WDR25: variants seen among roughly 807,000 people sequenced by gnomAD.
WDR25 encodes WD repeat domain 25.
WDR25 carries 35 observed loss-of-function variants against 47.7 expected under a neutral mutation model. The observed-to-expected ratio is 0.73, with a 90% CI of 0.56 to 0.97. The LOEUF (loss-of-function observed/expected upper bound fraction) is 0.97, where lower values mean the gene tolerates loss of function less well. Among genes scored for constraint, WDR25 ranks in the 50% least tolerant of loss-of-function variants. The probability of loss-of-function intolerance (pLI) is 0.00; values close to 1 mark genes in which losing one functional copy is unlikely to be tolerated. For synonymous variants in WDR25, 248 were observed against 278.9 expected, an observed-to-expected ratio of 0.89 and a Z score of 1.10; for missense variants, 634 against 704.7, an observed-to-expected ratio of 0.90 and a Z score of 1.14.
rs114159922 is a variant in WDR25 at position 100,406,397 on chromosome 14, C to T, written c.822+24651C>T. ...TTTGCTGTGTGCCAGGATCTTCACA[C>T]GGACAGCCTCAGTTTTCATAGGAGT... On this transcript the variant is annotated intron_variant, in intron 2 of 6. Coordinates refer to ENST00000402312, the MANE Select transcript of WDR25 (RefSeq NM_001161476.3). 5.4e-3 allele frequency among the ~76,000 whole-genome samples: 823 copies of T among 152,314 alleles called. 6 individuals are homozygous for T. Among genetic ancestry groups the T allele is most frequent in the African/African-American group, 0.018 (769 of 41,570 alleles).
intron 2 of WDR25, among the ~76,000 whole-genome samples, chr14:100,383,256 T>C (rs1324859426): frequency 6.6e-6 from 1 of 152,194 alleles, no homozygotes; most frequent in Non-Finnish European, 1.5e-5. Flanking sequence ...CTTAGGTCTT[T>C]GGTGCTTTTC....
intron 4 of WDR25, among the ~76,000 whole-genome samples, chr14:100,497,641 A>G (rs988404319): frequency 8.5e-5 from 13 of 152,142 alleles, no homozygotes; most frequent in African/African-American, 3.1e-4. Flanking sequence ...TTCAGTTGTC[A>G]TCAGTGGAGA....
intron 2 of WDR25, among the ~76,000 whole-genome samples, chr14:100,435,482 A>C (rs1175433329): frequency 6.6e-6 from 1 of 152,204 alleles, no homozygotes; most frequent in Non-Finnish European, 1.5e-5. Context: ...GTGCTCAGAA[A>C]AATTTTTAAA....
In WDR25 at chr14:100,488,392, C is replaced by T. The variant is rs1184841714; in HGVS notation, c.1101+4268C>T. Reference sequence around the variant, plus strand: ...TTGTGAGGGTCAATTTCTGCAGAAGCCCCTGAGCCTCTAGTGCCGTTGGCC... The same window carrying T: ...TTGTGAGGGTCAATTTCTGCAGAAGTCCCTGAGCCTCTAGTGCCGTTGGCC... On this transcript the variant is annotated intron_variant, in intron 4 of 6. Transcript: ENST00000402312. This position sits in a 1 kb window ranked among gnomAD's most constrained non-coding sequence, Gnocchi z 4.2. 6.6e-6 allele frequency among the ~76,000 whole-genome samples: 1 copy of T among 152,128 alleles called. No homozygotes were observed. Among genetic ancestry groups the T allele is most frequent in the South Asian group, 2.1e-4 (1 of 4,826 alleles).
chr14:100,419,356 G>A (rs1897966290), intron 2 of WDR25, among the ~76,000 whole-genome samples: 1 of 152,206 alleles, frequency 6.6e-6, no homozygotes. Context: ...GCTTTCTCGG[G>A]GAGTGTTCAG....
At chr14:100,401,366 G>A (rs1191935352) in intron 2 of WDR25, among the ~76,000 whole-genome samples, 1 of 152,180 alleles carries the variant, frequency 6.6e-6, no homozygotes, top group Non-Finnish European at 1.5e-5. Flanking sequence ...GTTGATTCGG[G>A]CATCTCAGAC....
At chr14:100,378,677 G>GAGAGAAAAGAGGGAAGGGCTGGAGCACA (rs1566878593) in intron 1 of WDR25, among the ~76,000 whole-genome samples, 11 of 86,564 alleles carry the variant, frequency 1.3e-4, no homozygotes, top group African/African-American at 1.6e-4. Flanking sequence ...GTTCCAGGCA[G>GAGAGAAAAGAGGGAAGGGCTGGAGCACA]GCCGGGCGCG....
chr14:100,385,735 G>A (rs1315063397), intron 2 of WDR25, among the ~76,000 whole-genome samples: 1 of 152,022 alleles, frequency 6.6e-6, no homozygotes, highest in African/African-American at 2.4e-5. Context: ...TTTCATAGCT[G>A]TGATCCCAGC....
chr14:100,379,975 T>C (rs1346539906), intron 1 of WDR25, among the ~76,000 whole-genome samples: 1 of 145,506 alleles, frequency 6.9e-6, no homozygotes, highest in East Asian at 2.1e-4. Context: ...CTCCTGACCT[T>C]GTGATTCCCC....
At chr14:100,476,072 A>G (rs1900006286) in intron 3 of WDR25, among the ~76,000 whole-genome samples, 1 of 152,190 alleles carries the variant, frequency 6.6e-6, no homozygotes, top group South Asian at 2.1e-4. Context: ...ATTGGGCCCT[A>G]TCAGTTGTCT....
intron 2 of WDR25, among the ~76,000 whole-genome samples, chr14:100,452,084 C>A (rs189995493): frequency 6.6e-6 from 1 of 152,324 alleles, no homozygotes; most frequent in East Asian, 1.9e-4. Flanking sequence ...TCATTCCATT[C>A]ATTCATCCAT....
At chr14:100,458,528 A>G (rs1400084690) in intron 2 of WDR25, among the ~76,000 whole-genome samples, 1 of 152,226 alleles carries the variant, frequency 6.6e-6, no homozygotes, top group Non-Finnish European at 1.5e-5. Context: ...GTTAAGATTT[A>G]TAAGACTGGA....
At position 100,529,452 on chromosome 14, in the gene WDR25, A is replaced by T. The variant is rs2140401150; in HGVS notation, c.1413+244A>T. 1.6e-6 allele frequency: 1 copy of T among 627,994 alleles called. No individual in the cohort carries two copies. Among genetic ancestry groups the T allele is most frequent in the East Asian group, 2.8e-5 (1 of 35,518 alleles). 38.9% of individuals were successfully genotyped at this position (627,994 alleles called of 1,614,324 possible). Reference sequence around the variant, plus strand: ...GTTGGCTCACACAGACAGGTCTCAGAAGTGGGGGGCAGGAACAGGACAAAA... The same window carrying T: ...GTTGGCTCACACAGACAGGTCTCAGTAGTGGGGGGCAGGAACAGGACAAAA... On this transcript the variant is annotated intron_variant, in intron 6 of 6. Transcript: ENST00000402312. This position sits in a 1 kb window ranked among gnomAD's most constrained non-coding sequence, Gnocchi z 5.1.
At chr14:100,418,635 C>CA (rs71113266) in intron 2 of WDR25, among the ~76,000 whole-genome samples, 53,943 of 129,106 alleles carry the variant, frequency 0.42, 12,298 homozygotes, top group South Asian at 0.66. Flanking sequence ...GACTCCGTCT[C>CA]AAAAAAAAAA....
intron 2 of WDR25, among the ~76,000 whole-genome samples, chr14:100,453,470 C>A (rs1394724999): frequency 6.6e-6 from 1 of 152,188 alleles, no homozygotes; most frequent in Non-Finnish European, 1.5e-5. Context: ...TCAACTAACT[C>A]AATTGTAAAG....
chr14:100,385,058 G>A (rs868659420), intron 2 of WDR25, among the ~76,000 whole-genome samples: 3 of 152,170 alleles, frequency 2.0e-5, no homozygotes, highest in African/African-American at 7.2e-5. Context: ...GTGTGTGCTC[G>A]AGTTCCTGCT....
At chr14:100,416,671 T>C (rs1749794672) in intron 2 of WDR25, among the ~76,000 whole-genome samples, 1 of 152,208 alleles carries the variant, frequency 6.6e-6, no homozygotes, top group African/African-American at 2.4e-5. Flanking sequence ...CCAGACTGCA[T>C]AAATGGCAGT....
intron 4 of WDR25, among the ~76,000 whole-genome samples, chr14:100,509,362 AT>A (rs1407270746): frequency 6.6e-6 from 1 of 152,108 alleles, no homozygotes; most frequent in African/African-American, 2.4e-5. Context: ...TTGCTCTAAA[AT>A]TGTTTTTAAC....
intron 2 of WDR25, among the ~76,000 whole-genome samples, chr14:100,433,585 T>C (rs1898405465): frequency 2.6e-5 from 4 of 152,246 alleles, no homozygotes; most frequent in Admixed American, 2.6e-4. Context: ...CCATCCATGA[T>C]TCTTACCTGA....
Sources: allele counts gnomAD v4.1 joint callset (sites outside exome capture counted in the v4.1 genomes callset), GRCh38; gene constraint gnomAD v4.1.1; non-coding constraint Gnocchi (gnomAD v3.1); transcripts MANE v1.5; gene names NCBI Gene and HGNC (gene_info 2026-07-23, HGNC 2026-07-21).